The following ARHGEF25 variants were observed in gnomAD, a reference collection of about 807,000 sequenced individuals.
ARHGEF25 encodes the protein RAC/CDC42 exchange factor.
A neutral mutation model predicts 74.0 loss-of-function variants in ARHGEF25; 42 were observed. The ratio of observed to expected loss-of-function variants is 0.57; its 90% confidence interval spans 0.44 to 0.73. The LOEUF (loss-of-function observed/expected upper bound fraction) is 0.73. Ranked by LOEUF, ARHGEF25 falls within the 30% of genes least tolerant of loss-of-function variation. ARHGEF25 has a pLI of 0.00. For synonymous variants in ARHGEF25, 293 were observed against 278.6 expected (o/e 1.05, Z -0.51); for missense variants, 645 against 725.5 (o/e 0.89, Z 1.27).
rs777588792 is a variant in ARHGEF25, at chr12:57,615,282, A to C, written c.1006A>C (p.Met336Leu). 14 of 1,609,364 alleles carry C rather than the reference A, an allele frequency of 8.7e-6. No homozygotes were observed. In the South Asian group the frequency reaches 1.6e-4, roughly 18 times the overall value. The change falls in exon 11 of 15, where the codon ATG becomes CTG. Residue 336 changes from methionine (M) to leucine (L), a missense_variant. By Grantham distance (15) the Met-to-Leu change is conservative. Transcript: ENST00000286494. ...MCFVPKRCNDMMTLGRLRGFE... is the reference protein window; with the variant it reads ...MCFVPKRCNDLMTLGRLRGFE... ...CTTTGTGCCCAAGCGCTGCAACGATATGATGACGCTGGGGAGATTGCGGGG... is the reference window on the plus strand; with the variant it reads ...CTTTGTGCCCAAGCGCTGCAACGATCTGATGACGCTGGGGAGATTGCGGGG...
At position 57,614,806 on chromosome 12, in the gene ARHGEF25, G is replaced by T; in HGVS notation, c.909+25G>T. ...GGTCAGGACCCCCTTTTTCCTGGGG[G>T]CACAGCTGGCTGGCACAGCTGTTTC... On this transcript the variant is annotated intron_variant, in intron 9 of 14. Coordinates refer to ENST00000286494, the MANE Select transcript of ARHGEF25 (RefSeq NM_182947.4). This position sits in a 1 kb window ranked among gnomAD's most constrained non-coding sequence, Gnocchi z 4.6. 2 of 1,592,376 alleles carry T rather than the reference G, an allele frequency of 1.3e-6. No individual in the cohort carries two copies. The highest frequency in any genetic ancestry group is 8.6e-7 in the Non-Finnish European group (1 of 1,168,572).
intron 1 of ARHGEF25, chr12:57,612,639 G>A: frequency 1.7e-6 from 2 of 1,146,740 alleles, no homozygotes; most frequent in Non-Finnish European, 2.2e-6. Flanking sequence ...TGTCTGCCCA[G>A]ATGGCTGCCC....
Position 57,614,860 on chromosome 12 carries a change from C to A in ARHGEF25, c.909+79C>A. 6.4e-7 allele frequency: 1 copy of A among 1,567,862 alleles called. No individual in the cohort carries two copies. The highest frequency in any genetic ancestry group is 8.7e-7 in the Non-Finnish European group (1 of 1,150,980). ...ATTCATCTCCCCAGGGTTCTTAGGGCTCCCCCAGACTTCCTGAGGGCCCTC... is the reference window on the plus strand; with the variant it reads ...ATTCATCTCCCCAGGGTTCTTAGGGATCCCCCAGACTTCCTGAGGGCCCTC... On this transcript the variant is annotated intron_variant, in intron 9 of 14. Coordinates refer to ENST00000286494, the MANE Select transcript of ARHGEF25 (RefSeq NM_182947.4). The surrounding 1 kb of genome is among the most constrained non-coding windows in gnomAD (Gnocchi z 4.6).
upstream of ARHGEF25, chr12:57,610,535 A>T: frequency 6.4e-7 from 1 of 1,557,698 alleles, no homozygotes; most frequent in Non-Finnish European, 8.8e-7. Flanking sequence ...GCTGCCTAGG[A>T]GGGCAGGTTC....
chr12:57,610,420 A>G (rs1268850042), upstream of ARHGEF25: 50 of 1,090,356 alleles, frequency 4.6e-5, no homozygotes, highest in Non-Finnish European at 6.3e-5. Flanking sequence ...GGGCAGTCGC[A>G]GGAATACATG....
chr12:57,610,442 G>A (rs1012977867), upstream of ARHGEF25: 3 of 1,066,434 alleles, frequency 2.8e-6, no homozygotes, highest in Non-Finnish European at 4.0e-6. Context: ...ATTCTATTAC[G>A]AGGGCCATAG....
At chr12:57,616,607 T>C in intron 14 of ARHGEF25, 112 bp downstream of exon 14, 2 of 1,102,672 alleles carry the variant, frequency 1.8e-6, no homozygotes, top group South Asian at 3.0e-5. Flanking sequence ...TGGTCCTTCC[T>C]ACTTCCCATC....
rs974032627 is a variant in ARHGEF25, at chr12:57,613,927, G to A, written c.553-89G>A. The A allele has an allele frequency of 3.7e-5, 56 of 1,499,272 alleles. No individual in the cohort carries two copies. The South Asian group carries it at 3.9e-4, about 11-fold the overall frequency. 92.9% of individuals were successfully genotyped at this position (1,499,272 alleles called of 1,614,324 possible). ...GGCTCCCACCAGGGAGGGGGAGGTG[G>A]AACACACCCTGGATTTGTGTACAGG... On this transcript the variant is annotated intron_variant, in intron 5 of 14. Transcript: ENST00000286494.
intron 13 of ARHGEF25, 37 bp downstream of exon 13, chr12:57,616,054 C>G: frequency 6.3e-7 from 1 of 1,590,166 alleles, no homozygotes; most frequent in Non-Finnish European, 8.6e-7. Context: ...TGTGCTCTCT[C>G]AGCCCCTTAA....
In ARHGEF25 at chr12:57,613,692, A is replaced by G; in HGVS notation, c.486-2A>G. ...GGGGGCCTCCTCCTGCTTTCATCCT[A>G]GGTATGTCCTGAGTGAACTGGTAGA... On this transcript the variant is annotated splice_acceptor_variant, in intron 4 of 14. Coordinates refer to ENST00000286494, the MANE Select transcript of ARHGEF25 (RefSeq NM_182947.4). LOFTEE classifies it high-confidence loss of function. 1 of 1,614,048 alleles carries G rather than the reference A, an allele frequency of 6.2e-7. No individual in the cohort carries two copies. Among genetic ancestry groups the G allele is most frequent in the Non-Finnish European group, 8.5e-7 (1 of 1,179,952 alleles).
At chr12:57,610,516 G>C (rs1883995147), upstream of ARHGEF25, 1 of 1,443,896 alleles carries the variant, frequency 6.9e-7, no homozygotes, top group African/African-American at 1.4e-5. Flanking sequence ...GGGGAAGGGG[G>C]AGGTCAGGGC....
chr12:57,614,883 C>G lies in ARHGEF25; in HGVS notation c.910-84C>G. ...GGCTCCCCCAGACTTCCTGAGGGCCCTCACTGGTGTCCTCAGGGGAGGATG... is the reference window on the plus strand; with the variant it reads ...GGCTCCCCCAGACTTCCTGAGGGCCGTCACTGGTGTCCTCAGGGGAGGATG... On this transcript the variant is annotated intron_variant, in intron 9 of 14. Transcript: ENST00000286494. The surrounding 1 kb of genome is among the most constrained non-coding windows in gnomAD (Gnocchi z 4.6). 9 of 1,581,954 alleles carry G rather than the reference C, an allele frequency of 5.7e-6. No individual in the cohort carries two copies. The highest frequency in any genetic ancestry group is 7.8e-6 in the Non-Finnish European group (9 of 1,157,792).
At position 57,615,589 on chromosome 12, in the gene ARHGEF25, G is replaced by A. The variant is rs2277323; in HGVS notation, c.1116G>A (p.Leu372=). The change falls in exon 12 of 15, where the codon CTG becomes CTA. Residue 372 remains leucine, a synonymous_variant. Coordinates refer to ENST00000286494, the MANE Select transcript of ARHGEF25 (RefSeq NM_182947.4). ...CCGAGCCTGAGGCTGGAGGGCTGCT[G>A]TCTTCCCGAGGTCGAGAGAGGCGCG... ...WVTEPEAGGL[L]SSRGRERRVF... The A allele has an allele frequency of 0.22, 360,561 of 1,614,032 alleles. 42,534 individuals carry two copies. The highest frequency in any genetic ancestry group is 0.31 in the Admixed American group (18,321 of 60,014).
At chr12:57,610,550 C>A, upstream of ARHGEF25, 1 of 1,596,774 alleles carries the variant, frequency 6.3e-7, no homozygotes, top group Non-Finnish European at 8.6e-7. Flanking sequence ...AGGTTCCTTA[C>A]AGTGGTTCTG....
chr12:57,616,481 C>A lies in ARHGEF25; in HGVS notation c.1618C>A (p.Pro540Thr), dbSNP rs1161510073. 3 of 1,614,004 alleles carry A rather than the reference C, an allele frequency of 1.9e-6. No individual in the cohort carries two copies. Among genetic ancestry groups the A allele is most frequent in the Non-Finnish European group, 2.5e-6 (3 of 1,179,956 alleles). Residue 540 changes from proline (P) to threonine (T), a missense_variant, in exon 14 of 15, where the codon CCA becomes ACA. By Grantham distance (38) the Pro-to-Thr change is conservative (BLOSUM62 -1). Around this residue, in one of 3 missense-constraint regions of ARHGEF25, gnomAD observed 262 missense variants for 256.9 expected, o/e 1.02. Coordinates refer to ENST00000286494, the MANE Select transcript of ARHGEF25 (RefSeq NM_182947.4). ...AGGGGAGGTGGCCAGAGCCCTCTTG[C>A]CACTGGATAAACAGGTATGACGAAT... is the stretch of plus-strand genomic sequence containing the variant. ...PKGEVARALL[P>T]LDKQALGDIP...
chr12:57,614,216 T>C lies in ARHGEF25; in HGVS notation c.656+97T>C. On this transcript the variant is annotated intron_variant, in intron 6 of 14. Coordinates refer to ENST00000286494, the MANE Select transcript of ARHGEF25 (RefSeq NM_182947.4). This position sits in a 1 kb window ranked among gnomAD's most constrained non-coding sequence, Gnocchi z 4.6. ...AGCCCATTGCGACTTAAGGAATGTT[T>C]GGAGAAGTTTTGTAGGGCACACTAC... 6.3e-7 allele frequency: 1 copy of C among 1,582,210 alleles called. No individual in the cohort carries two copies. Among genetic ancestry groups the C allele is most frequent in the Non-Finnish European group, 8.7e-7 (1 of 1,152,076 alleles).
Position 57,611,634 on chromosome 12 carries a change from C to T in ARHGEF25, c.-261C>T. On this transcript the variant is annotated 5_prime_UTR_variant, in exon 1 of 15. Transcript: ENST00000286494. This position sits in a 1 kb window ranked among gnomAD's most constrained non-coding sequence, Gnocchi z 4.5. ...TCTGGACCCTAGGCCCCCGCACCGA[C>T]AGGGTTCCGGAAACCCTCCCCGCCC... The T allele has an allele frequency of 2.8e-6, 3 of 1,063,650 alleles. No homozygotes were observed. The highest frequency in any genetic ancestry group is 3.4e-6 in the Non-Finnish European group (3 of 880,500). The allele number at this position is 1,063,650 out of a possible 1,614,324, so 65.9% of individuals were successfully genotyped here. A position where few individuals can be genotyped will look rare whatever the true frequency, so the allele number is the denominator to read the frequency against.
At chr12:57,610,409 G>A (rs568663158), upstream of ARHGEF25, 133 of 1,134,578 alleles carry the variant, frequency 1.2e-4, 1 homozygote, top group South Asian at 2.0e-3. Flanking sequence ...CGAGTTCTGC[G>A]GGGCAGTCGC....
At position 57,614,661 on chromosome 12, in the gene ARHGEF25, T is replaced by C. The variant is rs1272132019; in HGVS notation, c.817-28T>C. 1.2e-6 allele frequency: 2 copies of C among 1,613,766 alleles called. No individual in the cohort carries two copies. Among genetic ancestry groups the C allele is most frequent in the Non-Finnish European group, 1.7e-6 (2 of 1,179,924 alleles). On this transcript the variant is annotated intron_variant, in intron 8 of 14. Transcript: ENST00000286494. This position sits in a 1 kb window ranked among gnomAD's most constrained non-coding sequence, Gnocchi z 4.6. The stretch of plus-strand genomic sequence containing the variant: ...AGGACAGAACTGGGGCTTTCCAGGC[T>C]GCATAACCACCCTGTCCCTGTCCCC...
Sources: gnomAD v4.1 joint callset for allele counts on GRCh38, gnomAD v4.1.1 for gene constraint, gnomAD v4.1.1 regional missense constraint, Gnocchi (gnomAD v3.1) non-coding constraint, MANE v1.5 for transcripts, NCBI Gene and HGNC (gene_info 2026-07-23, HGNC 2026-07-21) for gene names.